Variants in HMCN1 observed in about 807,000 individuals in gnomAD.
The protein encoded by HMCN1 is hemicentin-1.
HMCN1 carries 321 observed loss-of-function variants against 625.9 expected under a neutral mutation model. The observed-to-expected ratio is 0.51, with a 90% CI of 0.47 to 0.56. The LOEUF is 0.56. HMCN1 is among the 20% of genes least tolerant of loss of function. The pLI is 0.00. For synonymous variants in HMCN1, 2,425 were observed against 2,417.6 expected, an observed-to-expected ratio of 1.00 and a Z score of -0.09; for missense variants, 6,588 against 6,887.3, an observed-to-expected ratio of 0.96 and a Z score of 1.54.
At chr1:185,780,022 T>C (rs1571339787) in intron 1 of HMCN1, among the ~76,000 whole-genome samples, 1 of 152,244 alleles carries the variant, frequency 6.6e-6, no homozygotes, top group South Asian at 2.1e-4. Context: ...TTTTATTTCA[T>C]TGAGCAGAGG....
In HMCN1 at chr1:186,079,113, GCAGCTCTCTCAT is replaced by G; in HGVS notation, c.8599+898_8599+909del. Among the ~76,000 whole-genome samples, 2 of 150,384 alleles carry G rather than the reference GCAGCTCTCTCAT, an allele frequency of 1.3e-5. 1 individual carries two copies. The highest frequency in any genetic ancestry group is 1.3e-4 in the Admixed American group (2 of 15,112). ...GTTGTGTTTAGCAGCTCTCTCATCA[GCAGCTCTCTCAT>G]CAGCAGCTCTCTCATCAGCAGCTCT... On this transcript the variant is annotated intron_variant, in intron 55 of 106. Transcript: ENST00000271588.
At chr1:186,025,455 T>G (rs1655002395) in intron 36 of HMCN1, among the ~76,000 whole-genome samples, 1 of 152,186 alleles carries the variant, frequency 6.6e-6, no homozygotes, top group Non-Finnish European at 1.5e-5. Context: ...CCAGATCTCC[T>G]GAAACAGCAC....
At chr1:185,743,520 C>A (rs551607244) in intron 1 of HMCN1, among the ~76,000 whole-genome samples, 1 of 152,274 alleles carries the variant, frequency 6.6e-6, no homozygotes, top group South Asian at 2.1e-4. Flanking sequence ...AGGCAGTCTG[C>A]CTACCTTCCA....
chr1:185,794,094 C>T (rs138590202), intron 1 of HMCN1, among the ~76,000 whole-genome samples: 4 of 152,152 alleles, frequency 2.6e-5, no homozygotes, highest in East Asian at 3.9e-4. Context: ...GGAAATGTTA[C>T]GATTTGTTTC....
chr1:185,793,907 C>T (rs1413703453), intron 1 of HMCN1, among the ~76,000 whole-genome samples: 1 of 152,056 alleles, frequency 6.6e-6, no homozygotes, highest in Admixed American at 6.5e-5. Context: ...CAGTTCAGAA[C>T]CAGTGAGTTG....
intron 4 of HMCN1, among the ~76,000 whole-genome samples, chr1:185,907,863 AT>A (rs1385485138): frequency 6.7e-6 from 1 of 148,672 alleles, no homozygotes; most frequent in African/African-American, 2.6e-5. Flanking sequence ...CATTTCTTGT[AT>A]TATGAATTTC....
chr1:186,077,512 A>G (rs1658898100), intron 54 of HMCN1, among the ~76,000 whole-genome samples: 1 of 152,134 alleles, frequency 6.6e-6, no homozygotes, highest in Non-Finnish European at 1.5e-5. Context: ...TTACTCTTCA[A>G]TGGTTCAGAA....
chr1:185,864,516 C>A lies in HMCN1; in HGVS notation c.386C>A (p.Ala129Asp). Residue 129 changes from alanine (A) to aspartate (D), a missense_variant, in exon 3 of 107, where the codon GCC (alanine) becomes GAC (aspartate). Ala to Asp is a moderately radical substitution (Grantham distance 126). Around this residue, in one of 3 missense-constraint regions of HMCN1, gnomAD observed 4,628 missense variants for 4,853.1 expected, o/e 0.95. Coordinates refer to ENST00000271588, the MANE Select transcript of HMCN1 (RefSeq NM_031935.3). ...PEMSIGAIKIALEISLPGSFI... is the reference protein window; with the variant it reads ...PEMSIGAIKIDLEISLPGSFI... ...ATGAGTATTGGAGCTATAAAAATTG[C>A]CTTGGAAATTTCTCTTCCTGGTTCT... 1 of 1,613,992 alleles carries A rather than the reference C, an allele frequency of 6.2e-7. No homozygotes were observed. Among genetic ancestry groups the A allele is most frequent in the Non-Finnish European group, 8.5e-7 (1 of 1,179,940 alleles).
At chr1:186,010,029 A>C (rs1653891329) in intron 30 of HMCN1, among the ~76,000 whole-genome samples, 1 of 152,074 alleles carries the variant, frequency 6.6e-6, no homozygotes, top group Non-Finnish European at 1.5e-5. Context: ...ATGACAGGAG[A>C]CAGAGCTCAG....
chr1:185,867,740 T>TG (rs1275576300), intron 4 of HMCN1, among the ~76,000 whole-genome samples: 14 of 152,062 alleles, frequency 9.2e-5, no homozygotes, highest in African/African-American at 3.4e-4. Context: ...AGTTGCTCAA[T>TG]GGGACCTGTT....
chr1:186,154,565 TCAAATAATA>T (rs1306458581), intron 97 of HMCN1, among the ~76,000 whole-genome samples: 1 of 152,212 alleles, frequency 6.6e-6, no homozygotes, highest in Non-Finnish European at 1.5e-5. Context: ...TGCTTTTTAT[TCAAATAATA>T]CAAATAATAA....
rs767448487 is a variant in HMCN1 at position 186,117,488 on chromosome 1, G to A, written c.11713G>A (p.Asp3905Asn). 2.5e-6 allele frequency: 4 copies of A among 1,613,716 alleles called. No individual in the cohort carries two copies. The highest frequency in any genetic ancestry group is 2.5e-6 in the Non-Finnish European group (3 of 1,179,846). Residue 3905 changes from aspartate to asparagine, a missense_variant, in exon 77 of 107, where the codon GAT (aspartate) becomes AAT (asparagine). Transcript: ENST00000271588. Reference sequence around the variant, plus strand: ...ACCTTCCATAGCTGATGAGCCTACAGATTTCCTAGTAACCAAACATGCCCC... The same window carrying A: ...ACCTTCCATAGCTGATGAGCCTACAAATTTCCTAGTAACCAAACATGCCCC... Reference protein sequence around the residue: ...VPPSIADEPTDFLVTKHAPAV... With the variant: ...VPPSIADEPTNFLVTKHAPAV...
rs547658453 is a variant in HMCN1, at chr1:186,154,235, A to G, written c.15256+248A>G. Among the ~76,000 whole-genome samples the G allele has an allele frequency of 2.6e-4, 40 of 152,320 alleles. No individual in the cohort carries two copies. The South Asian group carries it at 8.3e-3, about 32-fold the overall frequency. On this transcript the variant is annotated intron_variant, in intron 97 of 106. Coordinates refer to ENST00000271588, the MANE Select transcript of HMCN1 (RefSeq NM_031935.3). ...TGCTGTTGTTCTATTCCATATGTGCAGAGAGGGTTAAAAACATATAATGTG... is the reference window on the plus strand; with the variant it reads ...TGCTGTTGTTCTATTCCATATGTGCGGAGAGGGTTAAAAACATATAATGTG...
chr1:186,007,611 T>C (rs1235174152), intron 30 of HMCN1, among the ~76,000 whole-genome samples: 1 of 152,114 alleles, frequency 6.6e-6, no homozygotes, highest in African/African-American at 2.4e-5. Flanking sequence ...ACTTTAAAAA[T>C]TATAGAGATT....
At chr1:185,819,440 T>A (rs1002615646) in intron 1 of HMCN1, among the ~76,000 whole-genome samples, 1 of 152,232 alleles carries the variant, frequency 6.6e-6, no homozygotes, top group Non-Finnish European at 1.5e-5. Context: ...TTCCTATTTA[T>A]CACTTTTTAT....
At chr1:185,851,804 CA>C (rs1662177861) in intron 2 of HMCN1, among the ~76,000 whole-genome samples, 1 of 151,864 alleles carries the variant, frequency 6.6e-6, no homozygotes, top group Non-Finnish European at 1.5e-5. Context: ...TGTAAACACA[CA>C]CCCCCCCCAA....
chr1:185,865,103 T>C (rs1571467206), intron 3 of HMCN1, among the ~76,000 whole-genome samples: 1 of 152,216 alleles, frequency 6.6e-6, no homozygotes, highest in African/African-American at 2.4e-5. Context: ...CTCACTGGTG[T>C]GTCTAGGGAA....
At chr1:186,014,667 T>TC (rs1345321702) in intron 30 of HMCN1, among the ~76,000 whole-genome samples, 1 of 149,602 alleles carries the variant, frequency 6.7e-6, no homozygotes, top group Non-Finnish European at 1.5e-5. Flanking sequence ...AGTCCCCACC[T>TC]CCCCCCCAAA....
intron 15 of HMCN1, among the ~76,000 whole-genome samples, chr1:185,970,848 C>T (rs989531085): frequency 4.6e-5 from 7 of 151,692 alleles, no homozygotes; most frequent in African/African-American, 1.2e-4. Flanking sequence ...TTAGTAGAGG[C>T]GGGGTTTCAC....
Sources: allele counts gnomAD v4.1 joint callset (sites outside exome capture counted in the v4.1 genomes callset), GRCh38; gene constraint gnomAD v4.1.1; regional missense constraint gnomAD v4.1.1; transcripts MANE v1.5; gene names NCBI Gene and HGNC (gene_info 2026-07-23, HGNC 2026-07-21).